SNX24: variants seen among roughly 807,000 people sequenced by gnomAD.
The protein encoded by SNX24 is sorting nexin 24, also known as sorting nexin-24.
A neutral mutation model predicts 28.7 loss-of-function variants in SNX24; 22 were observed. That is an observed-to-expected ratio of 0.77 (90% CI 0.55 to 1.10). The LOEUF is 1.10. Ranked by LOEUF, SNX24 falls within the 50% of genes least tolerant of loss-of-function variation. The pLI, the probability that SNX24 is intolerant of heterozygous loss-of-function variation, is 0.00. For missense variants in SNX24, 221 were observed against 201.1 expected, an observed-to-expected ratio of 1.10 and a Z score of -0.60; for synonymous variants, 69 against 71.5, an observed-to-expected ratio of 0.96 and a Z score of 0.18.
chr5:122,938,117 G>A (rs1581772606), intron 2 of SNX24, among the ~76,000 whole-genome samples: 1 of 151,996 alleles, frequency 6.6e-6, no homozygotes, highest in African/African-American at 2.4e-5. Context: ...TGTACTCTCC[G>A]GATACTCAGG....
At chr5:122,846,899 TTAAA>T (rs1754662069) in intron 1 of SNX24, among the ~76,000 whole-genome samples, 1 of 152,260 alleles carries the variant, frequency 6.6e-6, no homozygotes, top group Admixed American at 6.5e-5. Context: ...TCACATTTCG[TTAAA>T]TAGTCTGTAT....
At position 123,007,585 on chromosome 5, in the gene SNX24, A is replaced by G. The variant is rs999962581; in HGVS notation, c.443-97A>G. On this transcript the variant is annotated intron_variant, in intron 6 of 6. Coordinates refer to ENST00000261369, the MANE Select transcript of SNX24 (RefSeq NM_014035.4). Reference sequence around the variant, plus strand: ...GCAGATTCCTGTGTTTACCGTAAGCATTGCCTTGTTCCATTCTACAGAATG... The same window carrying G: ...GCAGATTCCTGTGTTTACCGTAAGCGTTGCCTTGTTCCATTCTACAGAATG... The G allele has an allele frequency of 6.3e-6, 7 of 1,105,374 alleles. No homozygotes were observed. In the African/African-American group the frequency reaches 8.1e-5, roughly 13 times the overall value. 68.5% of individuals were successfully genotyped at this position (1,105,374 alleles called of 1,614,324 possible).
At chr5:122,861,654 G>C (rs1484544134) in intron 1 of SNX24, among the ~76,000 whole-genome samples, 1 of 151,936 alleles carries the variant, frequency 6.6e-6, no homozygotes, top group Non-Finnish European at 1.5e-5. Flanking sequence ...GTTAAATTCT[G>C]ATTATTAGAT....
intron 3 of SNX24, among the ~76,000 whole-genome samples, chr5:122,977,070 C>T (rs537998258): frequency 6.6e-6 from 1 of 152,206 alleles, no homozygotes; most frequent in Non-Finnish European, 1.5e-5. Context: ...ATAGACCATA[C>T]ACTAGGAATG....
intron 5 of SNX24, among the ~76,000 whole-genome samples, chr5:123,014,727 T>C (rs1762652149): frequency 6.6e-6 from 1 of 152,144 alleles, no homozygotes; most frequent in African/African-American, 2.4e-5. Flanking sequence ...AGTTTTCCAG[T>C]AGATTCCATT....
downstream of SNX24, chr5:123,009,222 C>T (rs942384893): frequency 1.0e-6 from 1 of 984,512 alleles, no homozygotes; most frequent in African/African-American, 1.8e-5. Flanking sequence ...AGTTTGTCTT[C>T]TCCTAAGATT....
intron 5 of SNX24, among the ~76,000 whole-genome samples, chr5:123,018,550 G>A (rs1762718177): frequency 6.6e-6 from 1 of 152,118 alleles, no homozygotes; most frequent in Non-Finnish European, 1.5e-5. Context: ...AAGTTAATGG[G>A]GGTGGAAACG....
intron 2 of SNX24, among the ~76,000 whole-genome samples, chr5:122,942,459 G>T (rs999333368): frequency 6.6e-6 from 1 of 152,158 alleles, no homozygotes; most frequent in African/African-American, 2.4e-5. Flanking sequence ...AGTGTTTCCC[G>T]CTTCTTTAAC....
chr5:122,943,114 C>T (rs1465825925), intron 2 of SNX24, among the ~76,000 whole-genome samples: 1 of 152,112 alleles, frequency 6.6e-6, no homozygotes, highest in African/African-American at 2.4e-5. Flanking sequence ...AGAACTGCCT[C>T]GGACAGTATA....
intron 5 of SNX24, chr5:123,026,038 G>A: frequency 7.5e-7 from 1 of 1,339,580 alleles, no homozygotes. Context: ...GAAACATAAG[G>A]CCTTAGAGGA....
At chr5:122,906,494 G>T (rs1213529462) in intron 1 of SNX24, among the ~76,000 whole-genome samples, 1 of 152,140 alleles carries the variant, frequency 6.6e-6, no homozygotes, top group Non-Finnish European at 1.5e-5. Flanking sequence ...GTTCTTTAGG[G>T]TTTATGTACT....
intron 5 of SNX24, among the ~76,000 whole-genome samples, chr5:123,018,979 C>T (rs1300407785): frequency 6.6e-6 from 1 of 152,102 alleles, no homozygotes; most frequent in Non-Finnish European, 1.5e-5. Flanking sequence ...GCCACCGCGC[C>T]TGGCCTAGGG....
intron 1 of SNX24, among the ~76,000 whole-genome samples, chr5:122,908,304 C>T (rs927291785): frequency 6.6e-6 from 1 of 152,092 alleles, no homozygotes; most frequent in African/African-American, 2.4e-5. Flanking sequence ...TGTAAATGCA[C>T]GTCAGAAACT....
At chr5:123,011,611 C>T (rs985994791), downstream of SNX24, among the ~76,000 whole-genome samples, 1 of 152,178 alleles carries the variant, frequency 6.6e-6, no homozygotes, top group Non-Finnish European at 1.5e-5. Context: ...GCTTGAAGTG[C>T]TGCATCAAGA....
Position 122,895,317 on chromosome 5 carries a change from G to A in SNX24, c.61-41417G>A, listed in dbSNP as rs550163098. Among the ~76,000 whole-genome samples the A allele has an allele frequency of 9.2e-5, 14 of 152,100 alleles. No individual in the cohort carries two copies. In the South Asian group the frequency reaches 2.7e-3, roughly 29 times the overall value. ...AACTTATGCATTTTCATTAATTTTA[G>A]GTAAAACATGTCTCTATTTTAACAT... On this transcript the variant is annotated intron_variant, in intron 1 of 6. Transcript: ENST00000261369.
At chr5:122,863,232 A>G (rs971872786) in intron 1 of SNX24, among the ~76,000 whole-genome samples, 2 of 152,114 alleles carry the variant, frequency 1.3e-5, no homozygotes, top group African/African-American at 2.4e-5. Context: ...TGGGAAGGCA[A>G]CATTGGAACC....
rs376721241 is a variant in SNX24 at position 122,874,962 on chromosome 5, T to C, written c.60+29269T>C. Among the ~76,000 whole-genome samples, 5 of 152,352 alleles carry C rather than the reference T, an allele frequency of 3.3e-5. No individual in the cohort carries two copies. In the East Asian group the frequency reaches 9.6e-4, roughly 29 times the overall value. On this transcript the variant is annotated intron_variant, in intron 1 of 6. Transcript: ENST00000261369. ...GTAGTAGCTAGTGTTGATATTTGTT[T>C]CTCAAAATTAAAATTGTTATTTTGA...
At chr5:123,015,945 T>G (rs1204953026) in intron 5 of SNX24, among the ~76,000 whole-genome samples, 1 of 152,072 alleles carries the variant, frequency 6.6e-6, no homozygotes, top group African/African-American at 2.4e-5. Flanking sequence ...ACAAAATAAG[T>G]AAGGTATTTT....
At chr5:123,001,089 A>G (rs572818627) in intron 4 of SNX24, among the ~76,000 whole-genome samples, 2 of 152,326 alleles carry the variant, frequency 1.3e-5, no homozygotes, top group Admixed American at 6.5e-5. Context: ...GGCTTCATAT[A>G]TGTTTATGTA....
Sources: allele counts gnomAD v4.1 joint callset (sites outside exome capture counted in the v4.1 genomes callset), GRCh38; gene constraint gnomAD v4.1.1; transcripts MANE v1.5; gene names NCBI Gene and HGNC (gene_info 2026-07-23, HGNC 2026-07-21).